Variants in TMEM41B observed in about 807,000 individuals in gnomAD.
TMEM41B encodes protein stasimon.
Under a neutral mutation model 31.9 loss-of-function variants are expected in TMEM41B, and 18 were observed. The ratio of observed to expected loss-of-function variants is 0.56; its 90% CI spans 0.39 to 0.84. The LOEUF is 0.84. TMEM41B is among the 40% of genes least tolerant of loss of function. The pLI is 0.00. For synonymous variants in TMEM41B, 144 were observed against 124.3 expected, an observed-to-expected ratio of 1.16 and a Z score of -1.05; for missense variants, 322 against 348.0, an observed-to-expected ratio of 0.93 and a Z score of 0.59.
chr11:9,303,140 C>G (rs1436895649), intron 1 of TMEM41B, among the ~76,000 whole-genome samples: 1 of 150,804 alleles, frequency 6.6e-6, no homozygotes, highest in Non-Finnish European at 1.5e-5. Flanking sequence ...CCTCAGCCTC[C>G]CAAGTAGCTG....
intron 3 of TMEM41B, among the ~76,000 whole-genome samples, chr11:9,292,514 T>C (rs927473632): frequency 1.3e-5 from 2 of 152,144 alleles, no homozygotes; most frequent in Non-Finnish European, 2.9e-5. Context: ...ACTAACAATA[T>C]GATGACTAAA....
At chr11:9,286,219 T>C (rs1256105903) in intron 6 of TMEM41B, among the ~76,000 whole-genome samples, 2 of 151,996 alleles carry the variant, frequency 1.3e-5, no homozygotes, top group Admixed American at 6.6e-5. Flanking sequence ...CCTATATCAT[T>C]AAAACGATAT....
At chr11:9,314,076 G>A (rs185152396) in intron 1 of TMEM41B, among the ~76,000 whole-genome samples, 87 of 152,284 alleles carry the variant, frequency 5.7e-4, no homozygotes, top group Admixed American at 8.5e-4. Context: ...GCGTCAACAA[G>A]CCAGTGTCAT....
chr11:9,304,201 A>C (rs1400000359), intron 1 of TMEM41B, among the ~76,000 whole-genome samples: 1 of 152,224 alleles, frequency 6.6e-6, no homozygotes, highest in Non-Finnish European at 1.5e-5. Context: ...AGAATTAAAA[A>C]CACACTTTAA....
intron 1 of TMEM41B, among the ~76,000 whole-genome samples, chr11:9,307,448 C>CTTT (rs34810386): frequency 6.8e-6 from 1 of 147,076 alleles, no homozygotes; most frequent in Non-Finnish European, 1.5e-5. Context: ...AAAATAAAAT[C>CTTT]TTTTTTTTTT....
intron 2 of TMEM41B, among the ~76,000 whole-genome samples, chr11:9,298,105 C>T (rs1213692763): frequency 6.7e-6 from 1 of 148,986 alleles, no homozygotes; most frequent in East Asian, 2.0e-4. Context: ...GCCCCTCTTT[C>T]TCAAGTCCAG....
chr11:9,284,523 G>T (rs1310278468), intron 6 of TMEM41B, among the ~76,000 whole-genome samples: 1 of 152,078 alleles, frequency 6.6e-6, no homozygotes, highest in Non-Finnish European at 1.5e-5. Flanking sequence ...AGCACCCTGG[G>T]AGGCCAAGGC....
chr11:9,286,387 T>C, intron 6 of TMEM41B, 68 bp downstream of exon 6: 4 of 1,486,900 alleles, frequency 2.7e-6, no homozygotes, highest in Non-Finnish European at 3.6e-6. Context: ...GCATGTAATC[T>C]AGCCCAGCTG....
At chr11:9,295,429 A>C (rs764718977) in intron 2 of TMEM41B, 42 bp from the exon 3 acceptor site, 5 of 1,203,252 alleles carry the variant, frequency 4.2e-6, no homozygotes, top group Non-Finnish European at 5.9e-6. Context: ...GAATTTTGCC[A>C]AGATAATATC....
chr11:9,298,748 C>T (rs183737858), intron 2 of TMEM41B, among the ~76,000 whole-genome samples: 5 of 146,732 alleles, frequency 3.4e-5, no homozygotes, highest in South Asian at 2.2e-4. Flanking sequence ...CCAGCCTGGG[C>T]GATAGAGTGA....
At chr11:9,295,484 G>A (rs929136669) in intron 2 of TMEM41B, 97 bp from the exon 3 acceptor site, 4 of 699,122 alleles carry the variant, frequency 5.7e-6, no homozygotes, top group Middle Eastern at 3.9e-4. Flanking sequence ...ATGATTTCAT[G>A]CCTTGATCTA....
Position 9,304,498 on chromosome 11 carries a change from T to C in TMEM41B, c.122-4797A>G, listed in dbSNP as rs368500411. Among the ~76,000 whole-genome samples, 7 of 152,188 alleles carry C rather than the reference T, an allele frequency of 4.6e-5. No homozygotes were observed. The East Asian group carries it at 7.7e-4, about 17-fold the overall frequency. Reference sequence around the variant, plus strand: ...TTATTTATTTACTTTTATGAGACGGTGTCTCACTCTGTTGCCCAGGCTGGA... The same window carrying C: ...TTATTTATTTACTTTTATGAGACGGCGTCTCACTCTGTTGCCCAGGCTGGA... On this transcript the variant is annotated intron_variant, in intron 1 of 6. Transcript: ENST00000528080.
At chr11:9,286,294 A>C (rs1852835748) in intron 6 of TMEM41B, among the ~76,000 whole-genome samples, 161 bp downstream of exon 6, 1 of 152,212 alleles carries the variant, frequency 6.6e-6, no homozygotes. Context: ...ACAATTCAAC[A>C]AACACTTCTG....
rs944500775 is a variant in TMEM41B, at chr11:9,283,350, T to G, written c.*74A>C. ...TTGTTTAATTACTGAAGAGGTGATT[T>G]TAAAACATAAATGGATGCACCTGTT... On this transcript the variant is annotated 3_prime_UTR_variant, in exon 7 of 7. Transcript: ENST00000528080. The G allele has an allele frequency of 1.6e-6, 2 of 1,239,774 alleles. No homozygotes were observed. The highest frequency in any genetic ancestry group is 3.1e-5 in the African/African-American group (2 of 65,336). 76.8% of individuals were successfully genotyped at this position (1,239,774 alleles called of 1,614,324 possible).
chr11:9,309,401 A>C (rs72850528), intron 1 of TMEM41B, among the ~76,000 whole-genome samples: 22,844 of 151,698 alleles, frequency 0.15, 1,956 homozygotes, highest in Non-Finnish European at 0.2. Context: ...GTCGTAGACC[A>C]AAAAAATTCT....
chr11:9,288,636 C>T, intron 3 of TMEM41B, 101 bp from the exon 4 acceptor site: 1 of 816,050 alleles, frequency 1.2e-6, no homozygotes, highest in Non-Finnish European at 1.9e-6. Context: ...AATTATCATA[C>T]AATGAGATTA....
At chr11:9,307,949 C>T (rs112494271) in intron 1 of TMEM41B, among the ~76,000 whole-genome samples, 22,799 of 151,474 alleles carry the variant, frequency 0.15, 1,935 homozygotes, top group Non-Finnish European at 0.2. Flanking sequence ...GGGGTTTCAC[C>T]GTGGTCTGGA....
At chr11:9,288,035 T>C in intron 4 of TMEM41B, 1 of 500,254 alleles carries the variant, frequency 2.0e-6, no homozygotes, top group South Asian at 2.6e-5. Context: ...AGTGACTATA[T>C]CCAAATAATT....
chr11:9,295,125 T>G, intron 3 of TMEM41B, 134 bp downstream of exon 3: 1 of 1,082,742 alleles, frequency 9.2e-7, no homozygotes, highest in Non-Finnish European at 1.2e-6. Context: ...CCATTTTAAT[T>G]TTTCAATTAT....
Sources: allele counts gnomAD v4.1 joint callset (sites outside exome capture counted in the v4.1 genomes callset), GRCh38; gene constraint gnomAD v4.1.1; transcripts MANE v1.5; gene names NCBI Gene and HGNC (gene_info 2026-07-23, HGNC 2026-07-21).